Variants in RAB11FIP4 observed in about 807,000 individuals in gnomAD.
RAB11FIP4 encodes the protein rab11 family-interacting protein 4.
In RAB11FIP4, 23 loss-of-function variants were observed where a neutral mutation model predicts 74.3. The ratio of observed to expected loss-of-function variants is 0.31; its 90% confidence interval spans 0.22 to 0.44. The LOEUF (loss-of-function observed/expected upper bound fraction) is 0.44, where lower values mean the gene tolerates loss of function less well. RAB11FIP4 is among the 20% of genes least tolerant of loss of function. RAB11FIP4 has a pLI of 1.00. For missense variants in RAB11FIP4, 630 were observed against 863.9 expected (o/e 0.73, Z 3.39); for synonymous variants, 360 against 359.9 (o/e 1.00, Z 0.00).
intron 3 of RAB11FIP4, among the ~76,000 whole-genome samples, chr17:31,478,520 T>C (rs1324729911): frequency 1.3e-4 from 20 of 151,560 alleles, no homozygotes; most frequent in Admixed American, 1.3e-3. Flanking sequence ...CAAGAGGGAG[T>C]GAAGAATTTC....
chr17:31,485,797 C>T (rs2071894755), intron 3 of RAB11FIP4, among the ~76,000 whole-genome samples: 1 of 152,212 alleles, frequency 6.6e-6, no homozygotes, highest in African/African-American at 2.4e-5. Context: ...TCCCATCTTA[C>T]AGATGAAGAC....
At position 31,411,236 on chromosome 17, in the gene RAB11FIP4, C is replaced by T. The variant is rs973690511; in HGVS notation, c.159+19225C>T. 5.9e-5 allele frequency among the ~76,000 whole-genome samples: 9 copies of T among 152,244 alleles called. No homozygotes were observed. In the South Asian group the frequency reaches 1.0e-3, roughly 18 times the overall value. ...AAAATTAGCCAGGCGTGATGGCGGG[C>T]GCCTGTAGTCCCAGCTACTCTGGAG... On this transcript the variant is annotated intron_variant, in intron 1 of 14. Transcript: ENST00000621161.
chr17:31,461,075 C>A (rs1346052881), intron 3 of RAB11FIP4, among the ~76,000 whole-genome samples: 1 of 151,410 alleles, frequency 6.6e-6, no homozygotes, highest in African/African-American at 2.4e-5. Flanking sequence ...TGATGCCCCC[C>A]AAATCCACAG....
intron 1 of RAB11FIP4, among the ~76,000 whole-genome samples, chr17:31,402,067 G>A (rs1022306619): frequency 4.6e-5 from 7 of 151,828 alleles, no homozygotes; most frequent in African/African-American, 1.2e-4. Flanking sequence ...TGATCCATCC[G>A]TCCAGTGAAC....
rs1256735925 is a variant in RAB11FIP4, at chr17:31,536,802, T to TC, written c.*5070_*5071insC. ...ACAACTCTGAGGCCCTTCTGCCATA[T>TC]TCTCTGCTACCCACCAGAGAAAATA... is the stretch of plus-strand genomic sequence containing the variant. On this transcript the variant is annotated 3_prime_UTR_variant, in exon 15 of 15. Transcript: ENST00000621161. 9 of 394,520 alleles carry TC rather than the reference T, an allele frequency of 2.3e-5. No individual in the cohort carries two copies. The highest frequency in any genetic ancestry group is 1.8e-5 in the Non-Finnish European group (4 of 224,056). 24.4% of individuals were successfully genotyped at this position (394,520 alleles called of 1,614,324 possible). A position where few individuals can be genotyped will look rare whatever the true frequency, so the allele number is the denominator to read the frequency against.
chr17:31,488,323 C>T, intron 3 of RAB11FIP4: 1 of 1,144,796 alleles, frequency 8.7e-7, no homozygotes, highest in East Asian at 4.2e-5. Flanking sequence ...CGGCGCGCAC[C>T]TGGCTCGGCC....
chr17:31,502,223 C>CAA (rs551229045), intron 3 of RAB11FIP4, among the ~76,000 whole-genome samples: 72 of 138,558 alleles, frequency 5.2e-4, no homozygotes, highest in South Asian at 4.1e-3. Flanking sequence ...TACCTTGTCT[C>CAA]AAAAAAAAAA....
At position 31,485,135 on chromosome 17, in the gene RAB11FIP4, G is replaced by A. The variant is rs1462755189; in HGVS notation, c.337-32516G>A. Among the ~76,000 whole-genome samples, 7 of 152,306 alleles carry A rather than the reference G, an allele frequency of 4.6e-5. No homozygotes were observed. The East Asian group carries it at 1.3e-3, about 29-fold the overall frequency. ...TCATTGAAACTTCACAACTGCAAGA[G>A]GAAATGTCTTATTTCCATTTTCTAG... On this transcript the variant is annotated intron_variant, in intron 3 of 14. Coordinates refer to ENST00000621161, the MANE Select transcript of RAB11FIP4 (RefSeq NM_032932.6).
Position 31,536,674 on chromosome 17 carries a change from C to T in RAB11FIP4, c.*4942C>T, listed in dbSNP as rs767640325. On this transcript the variant is annotated 3_prime_UTR_variant, in exon 15 of 15. Transcript: ENST00000621161. ...GACTTTGAGCGCTGATCCTAGGGAC[C>T]TGCCAGGTCCTCACTTCCTGCCCTG... is the stretch of plus-strand genomic sequence containing the variant. 3.4e-5 allele frequency: 9 copies of T among 263,460 alleles called. No homozygotes were observed. Among genetic ancestry groups the T allele is most frequent in the Admixed American group, 5.4e-5 (1 of 18,460 alleles). The allele number at this position is 263,460 out of a possible 1,614,324, so 16.3% of individuals were successfully genotyped here. A position where few individuals can be genotyped will look rare whatever the true frequency, so the allele number is the denominator to read the frequency against.
intron 3 of RAB11FIP4, among the ~76,000 whole-genome samples, chr17:31,466,076 G>A (rs996536662): frequency 9.2e-5 from 14 of 151,786 alleles, no homozygotes; most frequent in African/African-American, 1.5e-4. Flanking sequence ...CCCGGGAGGC[G>A]GAGGTTGCAG....
intron 3 of RAB11FIP4, among the ~76,000 whole-genome samples, chr17:31,514,306 C>A (rs932784655): frequency 6.6e-6 from 1 of 152,230 alleles, no homozygotes; most frequent in African/African-American, 2.4e-5. Context: ...CCGGCACACA[C>A]TCGGCCTCTG....
At chr17:31,445,671 C>T (rs1170241406) in intron 3 of RAB11FIP4, among the ~76,000 whole-genome samples, 17 of 147,848 alleles carry the variant, frequency 1.1e-4, no homozygotes, top group Admixed American at 2.0e-4. Context: ...CCGCAACCTC[C>T]GCCTCCTGGG....
intron 3 of RAB11FIP4, among the ~76,000 whole-genome samples, chr17:31,439,992 C>T (rs765016659): frequency 2.0e-5 from 3 of 152,078 alleles, no homozygotes; most frequent in Non-Finnish European, 2.9e-5. Context: ...GTGTTTTAAT[C>T]TTGTTTTAGG....
chr17:31,478,195 G>A (rs980136404), intron 3 of RAB11FIP4, among the ~76,000 whole-genome samples: 1 of 152,016 alleles, frequency 6.6e-6, no homozygotes, highest in Non-Finnish European at 1.5e-5. Context: ...GTTTCACTAT[G>A]TTGGCCAGGC....
chr17:31,416,323 G>A (rs934114570), intron 1 of RAB11FIP4, among the ~76,000 whole-genome samples: 7 of 152,218 alleles, frequency 4.6e-5, no homozygotes, highest in African/African-American at 1.7e-4. Flanking sequence ...CCCTTCACAT[G>A]GAGGGGAGCG....
At chr17:31,445,425 G>C (rs2071441758) in intron 3 of RAB11FIP4, among the ~76,000 whole-genome samples, 1 of 150,564 alleles carries the variant, frequency 6.6e-6, no homozygotes, top group African/African-American at 2.4e-5. Context: ...CCATTCCTAA[G>C]AAGGACACTC....
chr17:31,438,580 C>T (rs2071381525), intron 3 of RAB11FIP4, among the ~76,000 whole-genome samples: 1 of 152,114 alleles, frequency 6.6e-6, no homozygotes, highest in Non-Finnish European at 1.5e-5. Context: ...CCTCTCTCCA[C>T]ACCCCCATCC....
At chr17:31,449,400 G>A (rs1209114893) in intron 3 of RAB11FIP4, among the ~76,000 whole-genome samples, 1 of 152,148 alleles carries the variant, frequency 6.6e-6, no homozygotes, top group Non-Finnish European at 1.5e-5. Flanking sequence ...GCACCCGCTT[G>A]ACCACACATC....
At chr17:31,476,601 GGCTT>G (rs2071795675) in intron 3 of RAB11FIP4, among the ~76,000 whole-genome samples, 1 of 152,222 alleles carries the variant, frequency 6.6e-6, no homozygotes, top group Admixed American at 6.5e-5. Context: ...GGCACTAGGG[GGCTT>G]CACCCCATGA....
Sources: gnomAD v4.1 joint callset for allele counts (sites outside exome capture counted in the v4.1 genomes callset) on GRCh38, gnomAD v4.1.1 for gene constraint, MANE v1.5 for transcripts, NCBI Gene and HGNC (gene_info 2026-07-23, HGNC 2026-07-21) for gene names.